Variants in CDC27 observed in about 807,000 individuals in gnomAD.
The protein encoded by CDC27 is cell division cycle protein 27 homolog.
A neutral mutation model predicts 109.7 loss-of-function variants in CDC27; 27 were observed. The observed-to-expected ratio is 0.25, with a 90% CI of 0.18 to 0.34. The LOEUF (loss-of-function observed/expected upper bound fraction) is 0.34, where lower values mean the gene tolerates loss of function less well. CDC27 is among the 10% of genes least tolerant of loss of function. The pLI, the probability that CDC27 is intolerant of heterozygous loss-of-function variation, is 1.00. For missense variants in CDC27, 579 were observed against 960.2 expected (o/e 0.60, Z 5.25); for synonymous variants, 266 against 333.9 (o/e 0.80, Z 2.22).
intron 8 of CDC27, among the ~76,000 whole-genome samples, chr17:47,153,027 C>T (rs2063195785): frequency 6.6e-6 from 1 of 152,186 alleles, no homozygotes; most frequent in African/African-American, 2.4e-5. Flanking sequence ...TAATGTACCA[C>T]CACTTCAAAA....
At position 47,122,457 on chromosome 17, in the gene CDC27, T is replaced by C; in HGVS notation, c.2379A>G (p.Gln793=). Residue 793 remains glutamine (Q), a synonymous_variant, in exon 18 of 19, where the codon CAA becomes CAG. Transcript: ENST00000066544. ...TATGATACTTACTGATCTGTTCTTCTTGGGTTATTGGCTCCTCATCATCTG... is the reference window on the plus strand; with the variant it reads ...TATGATACTTACTGATCTGTTCTTCCTGGGTTATTGGCTCCTCATCATCTG... ...YLPDDEEPIT[Q]EEQIMGTDES... The C allele has an allele frequency of 6.2e-7, 1 of 1,602,650 alleles. No individual in the cohort carries two copies.
intron 5 of CDC27, 82 bp from the exon 6 acceptor site, chr17:47,157,466 A>G: frequency 9.2e-7 from 1 of 1,083,148 alleles, no homozygotes; most frequent in Non-Finnish European, 1.3e-6. Flanking sequence ...ATCAGTGGAA[A>G]CAGGAAATAG....
At position 47,158,304 on chromosome 17, in the gene CDC27, C is replaced by T; in HGVS notation, c.378-1G>A. The T allele has an allele frequency of 6.6e-7, 1 of 1,508,404 alleles. No individual in the cohort carries two copies. The allele number at this position is 1,508,404 out of a possible 1,614,324, so 93.4% of individuals were successfully genotyped here. A position where few individuals can be genotyped will look rare whatever the true frequency, so the allele number is the denominator to read the frequency against. On this transcript the variant is annotated splice_acceptor_variant, in intron 4 of 18. Transcript: ENST00000066544. LOFTEE classifies it high-confidence loss of function. ...TCCTTTGGCAAGCCGATCTGTCTTG[C>T]TGTGGAGAGAAACAAGTAGATTAAA... is the stretch of plus-strand genomic sequence containing the variant.
chr17:47,132,171 C>G (rs1326651164), intron 15 of CDC27, 86 bp downstream of exon 15: 12 of 695,726 alleles, frequency 1.7e-5, no homozygotes, highest in Admixed American at 7.9e-5. Context: ...AAAAAAGGAC[C>G]AATTTTTATC....
chr17:47,164,134 T>C (rs1412953258), intron 4 of CDC27, among the ~76,000 whole-genome samples: 3 of 152,336 alleles, frequency 2.0e-5, no homozygotes, highest in Non-Finnish European at 4.4e-5. Context: ...TTTACCATAC[T>C]GTTATAACTG....
intron 16 of CDC27, among the ~76,000 whole-genome samples, chr17:47,128,748 C>T (rs1262382486): frequency 6.6e-6 from 1 of 150,532 alleles, no homozygotes; most frequent in East Asian, 1.9e-4. Flanking sequence ...CATTCGTTTT[C>T]TTTTTCTGTT....
intron 1 of CDC27, among the ~76,000 whole-genome samples, chr17:47,185,459 A>T (rs2064400082): frequency 6.6e-6 from 1 of 152,224 alleles, no homozygotes; most frequent in African/African-American, 2.4e-5. Context: ...CTGGGATTAC[A>T]GGCGTGAGGC....
At chr17:47,169,778 T>TTA in intron 4 of CDC27, 139 bp downstream of exon 4, 6 of 534,904 alleles carry the variant, frequency 1.1e-5, no homozygotes, top group Non-Finnish European at 1.8e-5. Flanking sequence ...CTCTGCTATT[T>TTA]TAATAAGGTC....
rs62077260 is a variant in CDC27 at position 47,138,850 on chromosome 17, A to G, written c.1593T>C (p.Tyr531=). The G allele has an allele frequency of 9.3e-6, 15 of 1,605,644 alleles. No individual in the cohort carries two copies. In the East Asian group the frequency reaches 1.8e-4, roughly 19 times the overall value. The part of the protein sequence containing the change: ...IFSEVRRIEN[Y]RVEGMEIYST... ...AGTAGATCTCCATGCCTTCAACTCT[A>G]TAATTCTCAATCCTTCTAACCTCTG... is the stretch of plus-strand genomic sequence containing the variant. Residue 531 remains tyrosine (Y), a synonymous_variant, in exon 13 of 19, where the codon TAT becomes TAC. Coordinates refer to ENST00000066544, the MANE Select transcript of CDC27 (RefSeq NM_001256.6).
At position 47,122,508 on chromosome 17, in the gene CDC27, T is replaced by A. The variant is rs1447003741; in HGVS notation, c.2328A>T (p.Lys776Asn). 6.2e-7 allele frequency: 1 copy of A among 1,611,486 alleles called. No homozygotes were observed. The highest frequency in any genetic ancestry group is 1.7e-5 in the Admixed American group (1 of 59,908). The change falls in exon 18 of 19, where the codon AAA becomes AAT. Residue 776 changes from lysine to asparagine, a missense_variant. By Grantham distance (94) the Lys-to-Asn change is moderately conservative (BLOSUM62 0). Transcript: ENST00000066544. Reference protein sequence around the residue: ...LDPKGANNQIKEAIDKRYLPD... With the variant: ...LDPKGANNQINEAIDKRYLPD... ...GAAGATAACGCTTATCAATTGCCTC[T>A]TTAATCTGGTTATTGGCTCCTTTAG... is the stretch of plus-strand genomic sequence containing the variant.
Position 47,133,026 on chromosome 17 carries a change from T to TAC in CDC27, c.1914-653_1914-652insGT, listed in dbSNP as rs1401784751. Among the ~76,000 whole-genome samples, 261 of 32,298 alleles carry TAC rather than the reference T, an allele frequency of 8.1e-3. 2 individuals are homozygous for TAC. Among genetic ancestry groups the TAC allele is most frequent in the Admixed American group, 0.019 (39 of 2,024 alleles). 21.2% of individuals were successfully genotyped at this position (32,298 alleles called of 152,430 possible). On this transcript the variant is annotated intron_variant, in intron 14 of 18. Coordinates refer to ENST00000066544, the MANE Select transcript of CDC27 (RefSeq NM_001256.6). ...ATATATATATATATATATATATATA[T>TAC]ATACACACACACACACACACACACA...
intron 14 of CDC27, among the ~76,000 whole-genome samples, chr17:47,133,196 T>C (rs1356952829): frequency 6.8e-6 from 1 of 146,460 alleles, no homozygotes; most frequent in Non-Finnish European, 1.5e-5. Context: ...TGGAGTGCAA[T>C]GGTGCAATCT....
intron 2 of CDC27, among the ~76,000 whole-genome samples, chr17:47,174,055 C>T (rs780769166): frequency 5.9e-5 from 9 of 152,248 alleles, no homozygotes; most frequent in Middle Eastern, 3.2e-3. Context: ...GATCGTGCCA[C>T]CGCATTCCAG....
chr17:47,181,474 G>C, intron 2 of CDC27, 88 bp downstream of exon 2: 1 of 692,106 alleles, frequency 1.4e-6, no homozygotes. Context: ...GATGATGATA[G>C]CTAGAATCTT....
intron 4 of CDC27, among the ~76,000 whole-genome samples, chr17:47,169,537 TG>T (rs1433391610): frequency 6.7e-6 from 1 of 149,970 alleles, no homozygotes; most frequent in Non-Finnish European, 1.5e-5. Context: ...CCCAGCTACT[TG>T]GGAGGCTGAG....
intron 7 of CDC27, 105 bp downstream of exon 7, chr17:47,156,808 G>A (rs1429360040): frequency 4.4e-6 from 2 of 453,166 alleles, no homozygotes; most frequent in Non-Finnish European, 3.9e-6. Flanking sequence ...TGTTTCCACA[G>A]TGATTTAGAA....
intron 9 of CDC27, among the ~76,000 whole-genome samples, chr17:47,145,216 A>G (rs1334141890): frequency 2.6e-5 from 4 of 152,210 alleles, no homozygotes; most frequent in Non-Finnish European, 4.4e-5. Flanking sequence ...TTCTAGGGCC[A>G]CCTTGCAGGA....
intron 2 of CDC27, among the ~76,000 whole-genome samples, chr17:47,175,136 A>AAC: frequency 6.6e-6 from 1 of 152,122 alleles, no homozygotes; most frequent in Non-Finnish European, 1.5e-5. Context: ...TCTTCTTACA[A>AAC]ACAGGTTTGG....
rs916125948 is a variant in CDC27 at position 47,160,127 on chromosome 17, G to A, written c.378-1824C>T. Reference sequence around the variant, plus strand: ...AAATTTATGTTTCTTTCTAAATCAGGTGTATAAACGCTTACATATGGAATC... The same window carrying A: ...AAATTTATGTTTCTTTCTAAATCAGATGTATAAACGCTTACATATGGAATC... On this transcript the variant is annotated intron_variant, in intron 4 of 18. Coordinates refer to ENST00000066544, the MANE Select transcript of CDC27 (RefSeq NM_001256.6). 3 of 177,256 alleles carry A rather than the reference G, an allele frequency of 1.7e-5. No homozygotes were observed. The South Asian group carries it at 3.5e-4, about 21-fold the overall frequency. The allele number at this position is 177,256 out of a possible 1,614,324, so 11.0% of individuals were successfully genotyped here. A position where few individuals can be genotyped will look rare whatever the true frequency, so the allele number is the denominator to read the frequency against.
Sources: gnomAD v4.1 joint callset for allele counts (sites outside exome capture counted in the v4.1 genomes callset) on GRCh38, gnomAD v4.1.1 for gene constraint, MANE v1.5 for transcripts, NCBI Gene and HGNC (gene_info 2026-07-23, HGNC 2026-07-21) for gene names.